Variants in MYLK observed in about 807,000 individuals in gnomAD.
MYLK encodes the protein myosin light chain kinase, smooth muscle.
MYLK carries 106 observed loss-of-function variants against 203.4 expected under a neutral mutation model. That is an observed-to-expected ratio of 0.52 (90% confidence interval 0.45 to 0.61). The LOEUF is 0.61. Among genes scored for constraint, MYLK ranks in the 20% least tolerant of loss-of-function variants. MYLK has a pLI of 0.00. For missense variants in MYLK, 2,072 were observed against 2,442.3 expected (o/e 0.85, Z 3.20); for synonymous variants, 867 against 959.5 (o/e 0.90, Z 1.78).
chr3:123,716,399 C>T (rs1199897991), intron 13 of MYLK: 1 of 152,180 alleles, frequency 6.6e-6, no homozygotes, highest in Non-Finnish European at 1.5e-5. Flanking sequence ...TTTTTCCTCC[C>T]ATAGCCTTGT....
intron 23 of MYLK, among the ~76,000 whole-genome samples, chr3:123,659,955 T>C (rs1035605206): frequency 3.9e-5 from 6 of 152,222 alleles, no homozygotes; most frequent in African/African-American, 1.4e-4. Flanking sequence ...GATCCTGTCC[T>C]ACAGCTTCCC....
At chr3:123,850,445 G>A (rs1483181558) in intron 2 of MYLK, among the ~76,000 whole-genome samples, 2 of 152,194 alleles carry the variant, frequency 1.3e-5, no homozygotes, top group South Asian at 2.1e-4. Context: ...TCTAACTGGT[G>A]TGAGATGGTA....
chr3:123,799,359 G>A (rs199559989), intron 3 of MYLK, among the ~76,000 whole-genome samples: 9 of 152,242 alleles, frequency 5.9e-5, no homozygotes, highest in South Asian at 4.1e-4. Context: ...CAACTACAGC[G>A]AAAAGAGATT....
At chr3:123,645,530 A>G (rs1213078719) in intron 27 of MYLK, among the ~76,000 whole-genome samples, 1 of 152,210 alleles carries the variant, frequency 6.6e-6, no homozygotes, top group African/African-American at 2.4e-5. Flanking sequence ...CAAGTTCAGG[A>G]TGAGCATTTC....
intron 2 of MYLK, among the ~76,000 whole-genome samples, chr3:123,837,686 A>T (rs2066507407): frequency 6.6e-6 from 1 of 151,858 alleles, no homozygotes; most frequent in African/African-American, 2.4e-5. Flanking sequence ...GAAATGCCAT[A>T]CCTATTCACA....
At chr3:123,734,250 G>GGGGGGGGT in intron 9 of MYLK, 28 bp from the exon 10 acceptor site, 1 of 1,375,948 alleles carries the variant, frequency 7.3e-7, no homozygotes, top group Non-Finnish European at 9.7e-7. Context: ...TGGGGGTAGG[G>GGGGGGGGT]TGGGTGAGGA....
intron 20 of MYLK, among the ~76,000 whole-genome samples, chr3:123,671,749 A>G (rs2059919529): frequency 6.6e-6 from 1 of 152,170 alleles, no homozygotes; most frequent in East Asian, 1.9e-4. Flanking sequence ...GTGGAAGGCA[A>G]TGGCTAGGGC....
At chr3:123,774,748 A>G (rs182283661) in intron 4 of MYLK, among the ~76,000 whole-genome samples, 1 of 152,316 alleles carries the variant, frequency 6.6e-6, no homozygotes, top group African/African-American at 2.4e-5. Context: ...TGACTCCTAG[A>G]AAGGCCTAGA....
At chr3:123,773,725 T>A (rs970775206) in intron 4 of MYLK, among the ~76,000 whole-genome samples, 1 of 152,158 alleles carries the variant, frequency 6.6e-6, no homozygotes, top group Non-Finnish European at 1.5e-5. Flanking sequence ...TTGAACAGTA[T>A]CCTCATTCTC....
intron 5 of MYLK, among the ~76,000 whole-genome samples, chr3:123,742,708 A>G (rs1429652255): frequency 1.3e-5 from 2 of 151,716 alleles, no homozygotes; most frequent in African/African-American, 4.9e-5. Context: ...GGGAATAAAG[A>G]TTTTATAAAA....
At chr3:123,703,841 C>T (rs897422039) in intron 16 of MYLK, among the ~76,000 whole-genome samples, 10 of 152,220 alleles carry the variant, frequency 6.6e-5, no homozygotes, top group African/African-American at 2.4e-4. Context: ...AGCATCTCCT[C>T]AGCAGAGTTT....
intron 2 of MYLK, among the ~76,000 whole-genome samples, chr3:123,840,824 A>T (rs190878068): frequency 1.7e-4 from 26 of 152,252 alleles, no homozygotes; most frequent in Middle Eastern, 6.8e-3. Flanking sequence ...TTTTATTTAG[A>T]TATTTAAAAA....
intron 22 of MYLK, among the ~76,000 whole-genome samples, chr3:123,664,638 T>C (rs1480460453): frequency 1.3e-5 from 2 of 152,224 alleles, no homozygotes; most frequent in Non-Finnish European, 2.9e-5. Flanking sequence ...GCCTCTTCTG[T>C]GCTGTCCAAT....
chr3:123,867,768 G>T (rs2032437299), intron 2 of MYLK, among the ~76,000 whole-genome samples: 1 of 152,140 alleles, frequency 6.6e-6, no homozygotes, highest in Non-Finnish European at 1.5e-5. Flanking sequence ...CCAAACAAAT[G>T]CATACACTCT....
chr3:123,639,921 T>C (rs1383205042), intron 28 of MYLK, among the ~76,000 whole-genome samples: 1 of 152,154 alleles, frequency 6.6e-6, no homozygotes, highest in Non-Finnish European at 1.5e-5. Context: ...ATCACCAAAA[T>C]GACTTTTGCT....
chr3:123,669,091 G>A (rs1314314338), intron 20 of MYLK, among the ~76,000 whole-genome samples: 1 of 152,226 alleles, frequency 6.6e-6, no homozygotes, highest in African/African-American at 2.4e-5. Flanking sequence ...GCATTTCCAC[G>A]ACAGGACACG....
chr3:123,651,448 C>T (rs143697969), intron 24 of MYLK, among the ~76,000 whole-genome samples: 421 of 152,338 alleles, frequency 2.8e-3, no homozygotes, highest in Non-Finnish European at 5.1e-3. Flanking sequence ...GTCTTCGACA[C>T]AGAATCATCC....
intron 2 of MYLK, among the ~76,000 whole-genome samples, chr3:123,845,131 TC>T (rs754622575): frequency 1.1e-4 from 17 of 152,166 alleles, no homozygotes; most frequent in Non-Finnish European, 1.5e-4. Context: ...TGGGTTCTAG[TC>T]CTTTTTGCTC....
rs753785049 is a variant in MYLK at position 123,700,570 on chromosome 3, G to A, written c.2898C>T (p.Pro966=). 54 of 1,613,402 alleles carry A rather than the reference G, an allele frequency of 3.3e-5. No homozygotes were observed. The Admixed American group carries it at 4.5e-4, about 13-fold the overall frequency. Residue 966 remains proline, a synonymous_variant, in exon 18 of 34, where the codon CCC becomes CCT. Transcript: ENST00000360304. ...TTGGCGGTGGCACCTTCTCAGGCAC[G>A]GGGGTCTTGGAAGTCCCCTTCTTGG... ...VLAKKGTSKT[P]VPEKVPPPKP... is the part of the protein sequence containing the mutation.
Sources: gnomAD v4.1 joint callset for allele counts (sites outside exome capture counted in the v4.1 genomes callset) on GRCh38, gnomAD v4.1.1 for gene constraint, MANE v1.5 for transcripts, NCBI Gene and HGNC (gene_info 2026-07-23, HGNC 2026-07-21) for gene names.